The following SERGEF variants were observed in gnomAD, a reference collection of about 807,000 sequenced individuals.
SERGEF encodes the protein secretion regulating guanine nucleotide exchange factor, also known as secretion-regulating guanine nucleotide exchange factor.
Under a neutral mutation model 50.0 loss-of-function variants are expected in SERGEF, and 51 were observed. That is an observed-to-expected ratio of 1.02 (90% CI 0.81 to 1.29). The LOEUF is 1.29. Ranked by LOEUF, SERGEF falls within the 50% of genes most tolerant of loss-of-function variation. The probability of loss-of-function intolerance (pLI) is 0.00; values close to 1 mark genes in which losing one functional copy is unlikely to be tolerated. For synonymous variants in SERGEF, 205 were observed against 212.4 expected (o/e 0.97, Z 0.30); for missense variants, 521 against 557.0 (o/e 0.94, Z 0.65).
At chr11:17,911,123 T>C (rs971922083) in intron 9 of SERGEF, among the ~76,000 whole-genome samples, 1 of 151,986 alleles carries the variant, frequency 6.6e-6, no homozygotes, top group Non-Finnish European at 1.5e-5. Flanking sequence ...GAACTTAATA[T>C]GTATCAGGTA....
At chr11:17,840,037 C>T (rs1287439421) in intron 10 of SERGEF, among the ~76,000 whole-genome samples, 1 of 152,182 alleles carries the variant, frequency 6.6e-6, no homozygotes, top group Non-Finnish European at 1.5e-5. Context: ...ATTCTCAGTC[C>T]ACCATGGGAA....
chr11:17,985,285 C>T (rs1853571109), intron 8 of SERGEF, among the ~76,000 whole-genome samples: 2 of 152,294 alleles, frequency 1.3e-5, no homozygotes, highest in South Asian at 2.1e-4. Context: ...TTCACAGATT[C>T]GTTCATTTGA....
At chr11:17,830,568 GAGA>G in intron 10 of SERGEF, among the ~76,000 whole-genome samples, 1 of 147,770 alleles carries the variant, frequency 6.8e-6, no homozygotes, top group Non-Finnish European at 1.5e-5. Context: ...GAGAGAGGAA[GAGA>G]GGGAGAGAGA....
chr11:17,922,381 G>C (rs1461290906), intron 9 of SERGEF, among the ~76,000 whole-genome samples: 1 of 152,146 alleles, frequency 6.6e-6, no homozygotes, highest in Non-Finnish European at 1.5e-5. Context: ...AGAGATCTTA[G>C]GGTCATGAGG....
chr11:18,012,101 A>G (rs1854208214), intron 1 of SERGEF, among the ~76,000 whole-genome samples: 1 of 152,176 alleles, frequency 6.6e-6, no homozygotes, highest in African/African-American at 2.4e-5. Context: ...TCATTCGTCA[A>G]CGAGTATTTA....
chr11:17,902,903 C>T (rs1851772512), intron 9 of SERGEF, among the ~76,000 whole-genome samples: 1 of 152,192 alleles, frequency 6.6e-6, no homozygotes, highest in Non-Finnish European at 1.5e-5. Context: ...GCTGTCTTTC[C>T]TTCCTTACAC....
chr11:17,936,857 T>G (rs1852461807), intron 9 of SERGEF, among the ~76,000 whole-genome samples: 1 of 152,256 alleles, frequency 6.6e-6, no homozygotes. Flanking sequence ...ACTTTAATAA[T>G]TCTTGCCATC....
intron 10 of SERGEF, among the ~76,000 whole-genome samples, chr11:17,848,446 A>C (rs1297676428): frequency 1.3e-5 from 2 of 152,248 alleles, no homozygotes; most frequent in African/African-American, 2.4e-5. Context: ...CATATACAGT[A>C]AATAGTGGTG....
intron 10 of SERGEF, among the ~76,000 whole-genome samples, chr11:17,793,324 C>T (rs1463314892): frequency 2.0e-5 from 3 of 152,184 alleles, no homozygotes; most frequent in Non-Finnish European, 4.4e-5. Flanking sequence ...AAAAAAAAGC[C>T]AGGATGCTGA....
At chr11:17,791,250 GTCTC>G (rs1849479563) in intron 10 of SERGEF, among the ~76,000 whole-genome samples, 1 of 152,118 alleles carries the variant, frequency 6.6e-6, no homozygotes, top group Non-Finnish European at 1.5e-5. Context: ...GTCTTTGTCT[GTCTC>G]TCTAATTATT....
intron 8 of SERGEF, among the ~76,000 whole-genome samples, chr11:17,974,132 A>G (rs211144): frequency 0.64 from 97,753 of 151,954 alleles, 32,045 homozygotes; most frequent in African/African-American, 0.78. Flanking sequence ...CAGACCCAGG[A>G]TGGGACGGCC....
chr11:17,983,352 T>C (rs1428051532), intron 8 of SERGEF, among the ~76,000 whole-genome samples: 3 of 152,200 alleles, frequency 2.0e-5, no homozygotes, highest in Non-Finnish European at 2.9e-5. Flanking sequence ...CTGAATCAAC[T>C]TGTCACCCAT....
intron 4 of SERGEF, among the ~76,000 whole-genome samples, chr11:18,004,171 A>G (rs886679947): frequency 6.6e-6 from 1 of 152,220 alleles, no homozygotes; most frequent in Non-Finnish European, 1.5e-5. Flanking sequence ...GAACTGTAAA[A>G]TGTCATCAAT....
intron 9 of SERGEF, among the ~76,000 whole-genome samples, chr11:17,945,252 G>GA (rs1399837305): frequency 6.6e-6 from 1 of 152,226 alleles, no homozygotes; most frequent in African/African-American, 2.4e-5. Context: ...TGAGTGTGCT[G>GA]AAAGCACAAT....
intron 9 of SERGEF, among the ~76,000 whole-genome samples, chr11:17,945,552 C>T (rs922559945): frequency 6.6e-6 from 1 of 152,160 alleles, no homozygotes; most frequent in Non-Finnish European, 1.5e-5. Flanking sequence ...AGACCTTTTC[C>T]ATTATCCTAG....
intron 8 of SERGEF, among the ~76,000 whole-genome samples, chr11:17,987,834 G>C (rs753482237): frequency 2.4e-4 from 37 of 152,282 alleles, no homozygotes; most frequent in Non-Finnish European, 3.1e-4. Context: ...GTAGGCAAGG[G>C]AACTCCTGAG....
chr11:17,953,360 G>A (rs1003766693), intron 9 of SERGEF, among the ~76,000 whole-genome samples: 2 of 152,156 alleles, frequency 1.3e-5, no homozygotes, highest in South Asian at 2.1e-4. Context: ...AAAGCCAAAG[G>A]TGAATAGGCA....
chr11:17,995,944 T>C (rs200002614), intron 5 of SERGEF, 35 bp from the exon 6 acceptor site: 2 of 1,453,924 alleles, frequency 1.4e-6, no homozygotes, highest in African/African-American at 1.4e-5. Context: ...GCAGAGAAGA[T>C]GCACATCAGG....
At chr11:18,007,838 T>C in intron 2 of SERGEF, 103 bp downstream of exon 2, 1 of 1,208,426 alleles carries the variant, frequency 8.3e-7, no homozygotes, top group Non-Finnish European at 1.1e-6. Flanking sequence ...AATACATTAT[T>C]TTCCTCTGCA....
Sources: gnomAD v4.1 joint callset for allele counts (sites outside exome capture counted in the v4.1 genomes callset) on GRCh38, gnomAD v4.1.1 for gene constraint, MANE v1.5 for transcripts, NCBI Gene and HGNC (gene_info 2026-07-23, HGNC 2026-07-21) for gene names.